The following TMTC1 variants were observed in gnomAD, a reference collection of about 807,000 sequenced individuals.
TMTC1 encodes the protein protein O-mannosyl-transferase TMTC1.
A neutral mutation model predicts 104.8 loss-of-function variants in TMTC1; 73 were observed. The ratio of observed to expected loss-of-function variants is 0.70; its 90% CI spans 0.58 to 0.85. The LOEUF is 0.85. TMTC1 is among the 40% of genes least tolerant of loss of function. The pLI, the probability that TMTC1 is intolerant of heterozygous loss-of-function variation, is 0.00. For synonymous variants in TMTC1, 434 were observed against 428.7 expected, an observed-to-expected ratio of 1.01 and a Z score of -0.15; for missense variants, 1,035 against 1,096.1, an observed-to-expected ratio of 0.94 and a Z score of 0.79.
chr12:29,665,443 T>G (rs779676394), intron 5 of TMTC1, among the ~76,000 whole-genome samples: 4 of 152,162 alleles, frequency 2.6e-5, no homozygotes, highest in Non-Finnish European at 5.9e-5. Flanking sequence ...GTATATCATG[T>G]TCAAATAAAG....
chr12:29,711,729 G>A (rs1941931487), intron 5 of TMTC1, among the ~76,000 whole-genome samples: 1 of 152,060 alleles, frequency 6.6e-6, no homozygotes, highest in Admixed American at 6.6e-5. Context: ...ACCCTGGCTG[G>A]GTGTGGTGGC....
chr12:29,695,152 C>T (rs1403038868), intron 5 of TMTC1, among the ~76,000 whole-genome samples: 1 of 152,124 alleles, frequency 6.6e-6, no homozygotes, highest in East Asian at 1.9e-4. Flanking sequence ...TTCACATTGC[C>T]TTCTCCTCTG....
intron 9 of TMTC1, among the ~76,000 whole-genome samples, chr12:29,570,962 G>A (rs949362266): frequency 1.4e-5 from 2 of 145,194 alleles, no homozygotes; most frequent in Admixed American, 7.3e-5. Context: ...TAAGTAACAG[G>A]TCCTAAAGTC....
chr12:29,755,584 A>G (rs1042666506), intron 4 of TMTC1, 125 bp downstream of exon 4: 1 of 757,472 alleles, frequency 1.3e-6, no homozygotes, highest in African/African-American at 1.8e-5. Context: ...TGATTACGTG[A>G]CAGTCTAAGG....
At position 29,618,341 on chromosome 12, in the gene TMTC1, T is replaced by C. The variant is rs187078371; in HGVS notation, c.1129-14042A>G. On this transcript the variant is annotated intron_variant, in intron 6 of 17. Coordinates refer to ENST00000539277, the MANE Select transcript of TMTC1 (RefSeq NM_001193451.2). ...GAGATGCATGTATATAGATGACACTTTCCTTCTTGAACAACCCTAGGTCCT... is the reference window on the plus strand; with the variant it reads ...GAGATGCATGTATATAGATGACACTCTCCTTCTTGAACAACCCTAGGTCCT... Among the ~76,000 whole-genome samples the C allele has an allele frequency of 1.3e-4, 20 of 152,280 alleles. No individual in the cohort carries two copies. In the East Asian group the frequency reaches 2.9e-3, roughly 22 times the overall value.
At chr12:29,631,722 T>C (rs1938307482) in intron 6 of TMTC1, among the ~76,000 whole-genome samples, 1 of 152,214 alleles carries the variant, frequency 6.6e-6, no homozygotes, top group African/African-American at 2.4e-5. Flanking sequence ...TCTTCTGAAA[T>C]TGTTGATTTT....
At chr12:29,767,658 A>G (rs558902389) in intron 2 of TMTC1, among the ~76,000 whole-genome samples, 1 of 152,264 alleles carries the variant, frequency 6.6e-6, no homozygotes, top group African/African-American at 2.4e-5. Flanking sequence ...GAACATTCAA[A>G]AGGAAAAGTT....
intron 2 of TMTC1, among the ~76,000 whole-genome samples, chr12:29,762,713 C>T (rs546025540): frequency 1.3e-5 from 2 of 152,284 alleles, no homozygotes; most frequent in African/African-American, 4.8e-5. Context: ...ACATGCTGTT[C>T]ATTGATTCAT....
At chr12:29,585,291 G>GT (rs1344909395) in intron 7 of TMTC1, among the ~76,000 whole-genome samples, 5 of 152,086 alleles carry the variant, frequency 3.3e-5, no homozygotes, top group South Asian at 2.1e-4. Context: ...GGGGTTGTTT[G>GT]TTTTTTTCTT....
chr12:29,711,306 A>G (rs2136840389), intron 5 of TMTC1, among the ~76,000 whole-genome samples: 1 of 152,270 alleles, frequency 6.6e-6, no homozygotes. Flanking sequence ...CAGGTAAGAA[A>G]GAAAATGTAT....
chr12:29,594,882 C>T (rs1022629172), intron 7 of TMTC1, among the ~76,000 whole-genome samples: 3 of 152,002 alleles, frequency 2.0e-5, no homozygotes, highest in Admixed American at 2.0e-4. Flanking sequence ...TTTGAGCACA[C>T]AAGGTTAGAA....
At chr12:29,626,833 G>A (rs1054060420) in intron 6 of TMTC1, among the ~76,000 whole-genome samples, 2 of 152,192 alleles carry the variant, frequency 1.3e-5, no homozygotes, top group African/African-American at 2.4e-5. Context: ...AGGCATGGTG[G>A]CTCATGCCTG....
chr12:29,624,189 A>G (rs1937845595), intron 6 of TMTC1, among the ~76,000 whole-genome samples: 1 of 152,126 alleles, frequency 6.6e-6, no homozygotes, highest in Non-Finnish European at 1.5e-5. Context: ...CATATTGGCC[A>G]GGCTGGCTTC....
chr12:29,718,994 A>G (rs1942160547), intron 5 of TMTC1, among the ~76,000 whole-genome samples: 1 of 151,948 alleles, frequency 6.6e-6, no homozygotes, highest in African/African-American at 2.4e-5. Context: ...AAACCTGTAG[A>G]TAAATAAAAA....
chr12:29,607,469 C>T (rs1042851068), intron 6 of TMTC1, among the ~76,000 whole-genome samples: 3 of 152,042 alleles, frequency 2.0e-5, no homozygotes, highest in Admixed American at 1.3e-4. Context: ...TATCAATAAA[C>T]GTTTACAAGG....
intron 5 of TMTC1, among the ~76,000 whole-genome samples, chr12:29,657,476 A>C (rs1939813333): frequency 6.6e-6 from 1 of 152,150 alleles, no homozygotes. Context: ...AAAACATAAG[A>C]TATAAACAAC....
intron 6 of TMTC1, among the ~76,000 whole-genome samples, chr12:29,619,046 A>G (rs1947062009): frequency 6.6e-6 from 1 of 152,152 alleles, no homozygotes; most frequent in Non-Finnish European, 1.5e-5. Flanking sequence ...AGACTATGAA[A>G]TCTCACTGAG....
intron 9 of TMTC1, among the ~76,000 whole-genome samples, chr12:29,557,834 T>C (rs991358827): frequency 6.6e-6 from 1 of 152,164 alleles, no homozygotes; most frequent in Non-Finnish European, 1.5e-5. Flanking sequence ...AAAAATAAAC[T>C]TAATCTGCAA....
At chr12:29,737,126 A>G (rs1942698676) in intron 5 of TMTC1, among the ~76,000 whole-genome samples, 1 of 152,234 alleles carries the variant, frequency 6.6e-6, no homozygotes, top group Non-Finnish European at 1.5e-5. Context: ...GACTTTCTGA[A>G]AAGTGCTGAG....
Sources: allele counts gnomAD v4.1 joint callset (sites outside exome capture counted in the v4.1 genomes callset), GRCh38; gene constraint gnomAD v4.1.1; transcripts MANE v1.5; gene names NCBI Gene and HGNC (gene_info 2026-07-23, HGNC 2026-07-21).